The following MYO1D variants were observed in gnomAD, a reference collection of about 807,000 sequenced individuals.
MYO1D encodes unconventional myosin-Id.
MYO1D carries 83 observed loss-of-function variants against 122.0 expected under a neutral mutation model. The observed-to-expected ratio is 0.68, with a 90% CI of 0.57 to 0.82. The LOEUF (loss-of-function observed/expected upper bound fraction) is 0.82. MYO1D is among the 40% of genes least tolerant of loss of function. The probability of loss-of-function intolerance (pLI) is 0.00; values close to 1 mark genes in which losing one functional copy is unlikely to be tolerated. For missense variants in MYO1D, 1,157 were observed against 1,269.5 expected (o/e 0.91, Z 1.35); for synonymous variants, 464 against 446.9 (o/e 1.04, Z -0.48).
intron 1 of MYO1D, among the ~76,000 whole-genome samples, chr17:32,857,726 C>A (rs970194766): frequency 6.6e-6 from 1 of 152,158 alleles, no homozygotes; most frequent in South Asian, 2.1e-4. Flanking sequence ...ATACCTAAGT[C>A]TTATTCACAT....
intron 16 of MYO1D, 119 bp downstream of exon 16, chr17:32,711,869 T>C: frequency 1.2e-6 from 1 of 828,500 alleles, no homozygotes; most frequent in South Asian, 2.0e-5. Context: ...TTTTAAGATA[T>C]GCATAGACAT....
intron 1 of MYO1D, among the ~76,000 whole-genome samples, chr17:32,813,950 G>T (rs963742884): frequency 6.6e-6 from 1 of 152,210 alleles, no homozygotes; most frequent in Non-Finnish European, 1.5e-5. Context: ...TGGGCATTAG[G>T]TGGAAGGTTT....
At chr17:32,711,063 C>T (rs942383998) in intron 16 of MYO1D, among the ~76,000 whole-genome samples, 1 of 152,142 alleles carries the variant, frequency 6.6e-6, no homozygotes, top group African/African-American at 2.4e-5. Flanking sequence ...AGGTATATAT[C>T]CCAAGGACAT....
chr17:32,778,369 G>C, intron 3 of MYO1D, 111 bp downstream of exon 3: 2 of 891,124 alleles, frequency 2.2e-6, no homozygotes, highest in Non-Finnish European at 3.6e-6. Context: ...AAAATGCTCA[G>C]CCCATAGGTT....
At chr17:32,839,818 A>C (rs1235707646) in intron 1 of MYO1D, among the ~76,000 whole-genome samples, 2 of 152,154 alleles carry the variant, frequency 1.3e-5, no homozygotes, top group Non-Finnish European at 2.9e-5. Flanking sequence ...GTTGAGTCTT[A>C]TTTTGCAACG....
intron 20 of MYO1D, among the ~76,000 whole-genome samples, chr17:32,615,696 A>T (rs2087761491): frequency 6.6e-6 from 1 of 152,264 alleles, no homozygotes; most frequent in African/African-American, 2.4e-5. Context: ...TTAAAACCTT[A>T]GAAAGATCGA....
Position 32,608,537 on chromosome 17 carries a change from C to G in MYO1D, c.2710-3296G>C, listed in dbSNP as rs189665144. Among the ~76,000 whole-genome samples the G allele has an allele frequency of 4.0e-4, 61 of 152,276 alleles. 2 individuals carry two copies. Among genetic ancestry groups the G allele is most frequent in the African/African-American group, 1.5e-3 (61 of 41,550 alleles). On this transcript the variant is annotated intron_variant, in intron 20 of 21. Transcript: ENST00000318217. ...CAGAACAAGTGGGACTCACATGCAT[C>G]ATTGGTGAAAATACAAAATGTAAAA...
At chr17:32,854,055 T>C (rs1307531775) in intron 1 of MYO1D, among the ~76,000 whole-genome samples, 1 of 152,208 alleles carries the variant, frequency 6.6e-6, no homozygotes, top group Non-Finnish European at 1.5e-5. Context: ...ATTATCTTAG[T>C]TTCCTAAAAA....
At chr17:32,558,280 A>G (rs2087085733) in intron 21 of MYO1D, among the ~76,000 whole-genome samples, 2 of 152,154 alleles carry the variant, frequency 1.3e-5, no homozygotes, top group Admixed American at 1.3e-4. Flanking sequence ...GCCAGGCTGG[A>G]GATGGGCAGC....
intron 19 of MYO1D, among the ~76,000 whole-genome samples, chr17:32,643,223 G>A (rs1396355362): frequency 2.6e-5 from 4 of 152,262 alleles, no homozygotes; most frequent in East Asian, 1.9e-4. Context: ...GCTGGATTAC[G>A]TTTACTGATT....
chr17:32,546,418 C>T (rs2086965191), intron 21 of MYO1D, among the ~76,000 whole-genome samples: 1 of 152,234 alleles, frequency 6.6e-6, no homozygotes, highest in East Asian at 1.9e-4. Context: ...CCAAATAACA[C>T]AGAGCCATCA....
chr17:32,848,214 A>G (rs566172750), intron 1 of MYO1D, among the ~76,000 whole-genome samples: 1 of 152,366 alleles, frequency 6.6e-6, no homozygotes, highest in East Asian at 1.9e-4. Context: ...AAATCTAAAT[A>G]TGGACTTTGG....
intron 21 of MYO1D, among the ~76,000 whole-genome samples, chr17:32,556,105 A>C (rs1452881375): frequency 6.6e-6 from 1 of 152,196 alleles, no homozygotes; most frequent in East Asian, 1.9e-4. Flanking sequence ...TGATGTGTCT[A>C]ACCCAGGGCC....
intron 1 of MYO1D, among the ~76,000 whole-genome samples, chr17:32,783,024 G>C (rs948706163): frequency 6.6e-6 from 1 of 151,858 alleles, no homozygotes; most frequent in Admixed American, 6.6e-5. Flanking sequence ...TCAAAGACTC[G>C]CGAAAATAAG....
intron 15 of MYO1D, among the ~76,000 whole-genome samples, chr17:32,712,977 G>T (rs562036330): frequency 6.6e-6 from 1 of 152,204 alleles, no homozygotes; most frequent in East Asian, 1.9e-4. Flanking sequence ...GATTACACAG[G>T]GCATGGATAC....
chr17:32,625,239 T>C (rs2150928870), intron 20 of MYO1D, among the ~76,000 whole-genome samples: 2 of 152,340 alleles, frequency 1.3e-5, no homozygotes, highest in East Asian at 3.9e-4. Context: ...TTTAGAAAGC[T>C]ATTATTAATG....
intron 8 of MYO1D, 21 bp from the exon 9 acceptor site, chr17:32,760,648 T>C (rs780791744): frequency 1.3e-6 from 2 of 1,587,954 alleles, no homozygotes; most frequent in East Asian, 2.2e-5. Context: ...AATAGCATCA[T>C]AAATGCTTGC....
chr17:32,843,128 G>C (rs903191307), intron 1 of MYO1D, among the ~76,000 whole-genome samples: 4 of 152,008 alleles, frequency 2.6e-5, no homozygotes, highest in African/African-American at 9.7e-5. Context: ...GACCTCAAGT[G>C]ATCCGCCCGC....
intron 1 of MYO1D, among the ~76,000 whole-genome samples, chr17:32,809,956 T>C (rs1184125990): frequency 1.3e-5 from 2 of 152,184 alleles, no homozygotes; most frequent in Non-Finnish European, 1.5e-5. Flanking sequence ...TAATTAATGC[T>C]TCCTCTATAC....
Sources: allele counts gnomAD v4.1 joint callset (sites outside exome capture counted in the v4.1 genomes callset), GRCh38; gene constraint gnomAD v4.1.1; transcripts MANE v1.5; gene names NCBI Gene and HGNC (gene_info 2026-07-23, HGNC 2026-07-21).